SQSTM1: variants seen among roughly 807,000 people sequenced by gnomAD.
The protein encoded by SQSTM1 is sequestosome 1, also known as sequestosome-1.
Under a neutral mutation model 45.1 loss-of-function variants are expected in SQSTM1, and 36 were observed. The ratio of observed to expected loss-of-function variants is 0.80; its 90% CI spans 0.61 to 1.05. SQSTM1 has a LOEUF of 1.05. Ranked by LOEUF, SQSTM1 falls within the 50% of genes least tolerant of loss-of-function variation. SQSTM1 has a pLI of 0.00. For synonymous variants in SQSTM1, 290 were observed against 244.3 expected, an observed-to-expected ratio of 1.19 and a Z score of -1.74; for missense variants, 617 against 607.1, an observed-to-expected ratio of 1.02 and a Z score of -0.17.
chr5:179,823,503 A>C, intron 2 of SQSTM1: 1 of 307,386 alleles, frequency 3.3e-6, no homozygotes, highest in Non-Finnish European at 6.1e-6. Flanking sequence ...GCTGTGCCTG[A>C]CCTGAGAAAG....
rs1181133022 is a variant in SQSTM1 at position 179,836,839 on chromosome 5, G to A, written c.*246G>A. On this transcript the variant is annotated 3_prime_UTR_variant, in exon 8 of 8. Transcript: ENST00000389805. ...GCAGGGCTGGGCCTGCGAGACCCAA[G>A]GCTCACTGCAGCGCGCTCCTGACCC... The A allele has an allele frequency of 1.5e-6, 1 of 659,042 alleles. No homozygotes were observed. Among genetic ancestry groups the A allele is most frequent in the Non-Finnish European group, 2.7e-6 (1 of 376,374 alleles). The allele number at this position is 659,042 out of a possible 1,614,324, so 40.8% of individuals were successfully genotyped here.
At chr5:179,811,373 G>A (rs1347427371) in intron 1 of SQSTM1, among the ~76,000 whole-genome samples, 1 of 99,214 alleles carries the variant, frequency 1.0e-5, no homozygotes, top group Non-Finnish European at 2.2e-5. Context: ...GCAGGGGGAG[G>A]AGCATGCAGG....
intron 6 of SQSTM1, 65 bp downstream of exon 6, chr5:179,833,311 C>G: frequency 7.0e-7 from 1 of 1,438,676 alleles, no homozygotes; most frequent in Non-Finnish European, 9.4e-7. Context: ...GCCTGCACCT[C>G]CGCCTCATCC....
chr5:179,828,568 TTC>T (rs2113499508), intron 5 of SQSTM1, among the ~76,000 whole-genome samples: 1 of 152,216 alleles, frequency 6.6e-6, no homozygotes, highest in African/African-American at 2.4e-5. Flanking sequence ...GAGACGAGGT[TTC>T]TCTGTGTTGG....
chr5:179,818,297 C>A (rs1581999407), upstream of SQSTM1, among the ~76,000 whole-genome samples: 1 of 152,144 alleles, frequency 6.6e-6, no homozygotes, highest in Admixed American at 6.5e-5. Context: ...CCGCACAGAC[C>A]AGGACCTCTG....
upstream of SQSTM1, among the ~76,000 whole-genome samples, chr5:179,817,004 G>C (rs1023228382): frequency 6.6e-6 from 1 of 152,180 alleles, no homozygotes; most frequent in African/African-American, 2.4e-5. Context: ...GAACACCGGG[G>C]ACTTGCGGGC....
intron 2 of SQSTM1, chr5:179,812,559 C>T (rs1217803227): frequency 6.6e-6 from 1 of 152,244 alleles, no homozygotes; most frequent in East Asian, 1.9e-4. Context: ...GTGACTGGAG[C>T]CCGTCTATGG....
At position 179,828,283 on chromosome 5, in the gene SQSTM1, C is replaced by T. The variant is rs935341236; in HGVS notation, c.754+3057C>T. On this transcript the variant is annotated intron_variant, in intron 5 of 7. Coordinates refer to ENST00000389805, the MANE Select transcript of SQSTM1 (RefSeq NM_003900.5). ...TCTGCTTACAGGCGAGTCTCATTAC[C>T]CATTTACAAAGCATATGGGTATTGA... 6.6e-4 allele frequency among the ~76,000 whole-genome samples: 101 copies of T among 152,026 alleles called. 3 individuals are homozygous for T. Among genetic ancestry groups the T allele is most frequent in the Non-Finnish European group, 1.8e-4 (12 of 68,006 alleles).
At chr5:179,828,190 G>GA (rs1362179435) in intron 5 of SQSTM1, among the ~76,000 whole-genome samples, 1 of 152,068 alleles carries the variant, frequency 6.6e-6, no homozygotes, top group African/African-American at 2.4e-5. Flanking sequence ...CCAGTCTTAC[G>GA]ACAAGGCCTG....
chr5:179,810,954 C>T (rs1052711096), intron 1 of SQSTM1, among the ~76,000 whole-genome samples: 4 of 152,254 alleles, frequency 2.6e-5, no homozygotes, highest in East Asian at 3.9e-4. Context: ...CTGTGGCCTA[C>T]GCCTGTAATC....
At position 179,806,466 on chromosome 5, in the gene SQSTM1, CCGGGCGGGGGT is replaced by C. The variant is rs1757163888; in HGVS notation, c.-279_-269del. The C allele has an allele frequency of 8.0e-7, 1 of 1,254,432 alleles. No homozygotes were observed. The highest frequency in any genetic ancestry group is 1.0e-6 in the Non-Finnish European group (1 of 973,040). 77.7% of individuals were successfully genotyped at this position (1,254,432 alleles called of 1,614,324 possible). A position where few individuals can be genotyped will look rare whatever the true frequency, so the allele number is the denominator to read the frequency against. On this transcript the variant is annotated 5_prime_UTR_variant, in exon 1 of 6. Coordinates refer to the SQSTM1 transcript ENST00000514093. The surrounding 1 kb of genome is among the most constrained non-coding windows in gnomAD (Gnocchi z 4.6). ...GACGCCCAGGTGCGCCAGGTGCGGG[CCGGGCGGGGGT>C]CGCGCTCACCTTTCTGGCCGCTGAG...
chr5:179,824,790 A>G (rs190838584), intron 4 of SQSTM1, among the ~76,000 whole-genome samples: 1 of 152,108 alleles, frequency 6.6e-6, no homozygotes, highest in Non-Finnish European at 1.5e-5. Context: ...CCTGTGAATC[A>G]CCTCACCCTT....
At chr5:179,833,504 A>G in intron 6 of SQSTM1, 83 bp from the exon 7 acceptor site, 1 of 1,476,906 alleles carries the variant, frequency 6.8e-7, no homozygotes, top group South Asian at 1.2e-5. Flanking sequence ...GTGCTCCCCG[A>G]CTGTCTGCCA....
chr5:179,824,027 G>C lies in SQSTM1; in HGVS notation c.471G>C (p.Lys157Asn). 6.2e-7 allele frequency: 1 copy of C among 1,614,008 alleles called. No individual in the cohort carries two copies. The highest frequency in any genetic ancestry group is 8.5e-7 in the Non-Finnish European group (1 of 1,180,038). ...ACTTGTGTAGCGTCTGCGAGGGAAAGGGCTTGCACCGGGGGCACACCAAGC... is the reference window on the plus strand; with the variant it reads ...ACTTGTGTAGCGTCTGCGAGGGAAACGGCTTGCACCGGGGGCACACCAAGC... Reference protein sequence around the residue: ...DYDLCSVCEGKGLHRGHTKLA... With the variant: ...DYDLCSVCEGNGLHRGHTKLA... Residue 157 changes from lysine to asparagine, a missense_variant, in exon 3 of 8, where the codon AAG becomes AAC. Physicochemically the swap from Lys to Asn is moderately conservative, Grantham distance 94 (BLOSUM62 0). Transcript: ENST00000389805.
upstream of SQSTM1, among the ~76,000 whole-genome samples, chr5:179,819,556 G>C (rs1255156492): frequency 1.3e-5 from 2 of 152,252 alleles, no homozygotes; most frequent in Non-Finnish European, 2.9e-5. Context: ...CCCTCGGCGG[G>C]GGCCACGTGG....
chr5:179,825,990 C>T (rs1561599594), intron 5 of SQSTM1, among the ~76,000 whole-genome samples: 2 of 152,156 alleles, frequency 1.3e-5, no homozygotes, highest in African/African-American at 2.4e-5. Context: ...CTGCATCTCT[C>T]GCTAGACGAG....
In SQSTM1 at chr5:179,833,603, A is replaced by G. The variant is rs148294622; in HGVS notation, c.986A>G (p.Asp329Gly). ...EGRPEEQMES[D>G]NCSGGDDDWT... ...TTGTTCCAGGAACAGATGGAGTCGG[A>G]TAACTGTTCAGGAGGAGATGATGAC... Residue 329 changes from aspartate (D) to glycine (G), a missense_variant, in exon 7 of 8, where the codon GAT becomes GGT. Transcript: ENST00000389805. 33 of 1,614,054 alleles carry G rather than the reference A, an allele frequency of 2.0e-5. No homozygotes were observed. The Admixed American group carries it at 2.5e-4, about 12-fold the overall frequency.
At chr5:179,817,207 C>T (rs1255473977), upstream of SQSTM1, among the ~76,000 whole-genome samples, 1 of 152,228 alleles carries the variant, frequency 6.6e-6, no homozygotes, top group East Asian at 1.9e-4. Context: ...CCAGTGACCC[C>T]CACATCCCTT....
chr5:179,837,436 T>TA lies in SQSTM1; in HGVS notation c.*844dup, dbSNP rs762770205. The TA allele has an allele frequency of 2.5e-6, 4 of 1,608,566 alleles. No individual in the cohort carries two copies. In the African/African-American group the frequency reaches 4.0e-5, roughly 16 times the overall value. ...CTTCCCCAGTTATAAAGAGGTCACA[T>TA]AGTCGTGTGGGTCGAGGATTCTGTG... On this transcript the variant is annotated 3_prime_UTR_variant, in exon 8 of 8. Coordinates refer to ENST00000389805, the MANE Select transcript of SQSTM1 (RefSeq NM_003900.5).
Sources: gnomAD v4.1 joint callset for allele counts (sites outside exome capture counted in the v4.1 genomes callset) on GRCh38, gnomAD v4.1.1 for gene constraint, Gnocchi (gnomAD v3.1) non-coding constraint, MANE v1.5 for transcripts, NCBI Gene and HGNC (gene_info 2026-07-23, HGNC 2026-07-21) for gene names.